MRPL42: variants seen among roughly 807,000 people sequenced by gnomAD.
The protein encoded by MRPL42 is large ribosomal subunit protein mL42.
A neutral mutation model predicts 17.9 loss-of-function variants in MRPL42; 17 were observed. That is an observed-to-expected ratio of 0.95 (90% CI 0.65 to 1.42). The LOEUF is 1.42. Among genes scored for constraint, MRPL42 ranks in the 40% most tolerant of loss-of-function variants. The probability of loss-of-function intolerance (pLI) is 0.00; values close to 1 mark genes in which losing one functional copy is unlikely to be tolerated. For synonymous variants in MRPL42, 59 were observed against 54.4 expected (o/e 1.08, Z -0.37); for missense variants, 177 against 175.2 (o/e 1.01, Z -0.06).
rs1953678033 is a variant in MRPL42 at position 93,506,987 on chromosome 12, A to G, written c.*5766A>G. On this transcript the variant is annotated 3_prime_UTR_variant, in exon 6 of 6. Transcript: ENST00000549982. ...TTTGGAAACAGATCCAAAGACACTA[A>G]TTGACTTGCCCAAGATCACAGATTG... 1.3e-5 allele frequency: 2 copies of G among 152,208 alleles called. No homozygotes were observed. Among genetic ancestry groups the G allele is most frequent in the African/African-American group, 2.4e-5 (1 of 41,456 alleles). 9.4% of individuals were successfully genotyped at this position (152,208 alleles called of 1,614,324 possible).
At chr12:93,485,872 T>C (rs1373052082) in intron 4 of MRPL42, among the ~76,000 whole-genome samples, 1 of 152,186 alleles carries the variant, frequency 6.6e-6, no homozygotes, top group Admixed American at 6.5e-5. Context: ...TACTGTGCAG[T>C]CATGGCTCAC....
intron 4 of MRPL42, among the ~76,000 whole-genome samples, chr12:93,482,846 A>G (rs905943696): frequency 6.6e-6 from 1 of 151,770 alleles, no homozygotes; most frequent in Non-Finnish European, 1.5e-5. Context: ...TTGGCTTCCC[A>G]AAGTGCCGGG....
rs962693665 is a variant in MRPL42, at chr12:93,504,686, C to G, written c.*3465C>G. 2.0e-5 allele frequency: 3 copies of G among 152,138 alleles called. No individual in the cohort carries two copies. The highest frequency in any genetic ancestry group is 7.2e-5 in the African/African-American group (3 of 41,412). The allele number at this position is 152,138 out of a possible 1,614,324, so 9.4% of individuals were successfully genotyped here. The stretch of plus-strand genomic sequence containing the variant: ...TGCAGCCCTTTACCATAATGTGTTT[C>G]TTCTACCTCCCCTGCACAACATTGT... On this transcript the variant is annotated 3_prime_UTR_variant, in exon 6 of 6. Transcript: ENST00000549982.
At chr12:93,469,055 C>T (rs971810119) in intron 1 of MRPL42, 137 bp from the exon 2 acceptor site, 62 of 467,906 alleles carry the variant, frequency 1.3e-4, no homozygotes, top group Non-Finnish European at 2.1e-4. Context: ...GTTGTTCAAT[C>T]ATGTGGAATT....
chr12:93,470,593 A>G lies in MRPL42; in HGVS notation c.70+1238A>G, dbSNP rs116350800. ...ATAGTGAACATAGTACCCAATAGGT[A>G]GTTTTTCAACTCTTCCCTCCATCCC... On this transcript the variant is annotated intron_variant, in intron 2 of 5. Transcript: ENST00000549982. 6.5e-4 allele frequency: 787 copies of G among 1,219,478 alleles called. 7 individuals are homozygous for G. The African/African-American group carries it at 0.01, about 16-fold the overall frequency. 75.5% of individuals were successfully genotyped at this position (1,219,478 alleles called of 1,614,324 possible).
intron 5 of MRPL42, among the ~76,000 whole-genome samples, chr12:93,494,382 C>T (rs748213366): frequency 6.6e-6 from 1 of 152,102 alleles, no homozygotes; most frequent in Non-Finnish European, 1.5e-5. Context: ...GACAAATGGT[C>T]AAATCTAGAT....
intron 1 of MRPL42, 152 bp from the exon 2 acceptor site, chr12:93,469,040 G>A (rs79489045): frequency 9.0e-6 from 4 of 443,920 alleles, no homozygotes; most frequent in Non-Finnish European, 1.6e-5. Flanking sequence ...GTCGCTCTTC[G>A]TCCTGTTGTT....
intron 3 of MRPL42, among the ~76,000 whole-genome samples, chr12:93,478,942 A>ATTTATTTATTTT (rs1282970400): frequency 0.014 from 1,059 of 76,574 alleles, 15 homozygotes; most frequent in African/African-American, 0.035. Flanking sequence ...TTATTTATTT[A>ATTTATTTATTTT]TTTTTTTGAG....
Position 93,514,313 on chromosome 12 carries a change from T to G in MRPL42, c.*13092T>G, listed in dbSNP as rs1343518408. ...TTTCTTTCTTTTTTTTTTTTTTTTT[T>G]TTGAGATGGCGTCTCCTCTGTCAAT... On this transcript the variant is annotated 3_prime_UTR_variant, in exon 6 of 6. Coordinates refer to ENST00000549982, the MANE Select transcript of MRPL42 (RefSeq NM_014050.4). The G allele has an allele frequency of 1.5e-5, 2 of 131,588 alleles. No homozygotes were observed. Among genetic ancestry groups the G allele is most frequent in the East Asian group, 4.2e-4 (2 of 4,808 alleles). 8.2% of individuals were successfully genotyped at this position (131,588 alleles called of 1,614,324 possible).
chr12:93,489,185 G>A (rs1486245247), intron 5 of MRPL42, among the ~76,000 whole-genome samples: 2 of 152,168 alleles, frequency 1.3e-5, no homozygotes, highest in Non-Finnish European at 2.9e-5. Context: ...GTAAATAAAC[G>A]GTTAAATCAA....
At chr12:93,471,299 G>T (rs992166311) in intron 2 of MRPL42, among the ~76,000 whole-genome samples, 1 of 152,072 alleles carries the variant, frequency 6.6e-6, no homozygotes, top group Non-Finnish European at 1.5e-5. Context: ...GAGTAGCTGG[G>T]ATTATAGGCA....
chr12:93,480,139 T>C (rs1288166028), intron 4 of MRPL42, among the ~76,000 whole-genome samples: 2 of 152,182 alleles, frequency 1.3e-5, no homozygotes, highest in African/African-American at 2.4e-5. Flanking sequence ...GCTTTTTTTT[T>C]GAGACAGGGT....
In MRPL42 at chr12:93,514,423, C is replaced by T. The variant is rs999196156; in HGVS notation, c.*13202C>T. ...GAGTAGCTGGGATTACAGGCACCCA[C>T]CACCACACCTGGCTAATTTTTTTTT... On this transcript the variant is annotated 3_prime_UTR_variant, in exon 6 of 6. Coordinates refer to ENST00000549982, the MANE Select transcript of MRPL42 (RefSeq NM_014050.4). 5.3e-5 allele frequency: 8 copies of T among 151,324 alleles called. No homozygotes were observed. The highest frequency in any genetic ancestry group is 1.5e-4 in the African/African-American group (6 of 41,006). 9.4% of individuals were successfully genotyped at this position (151,324 alleles called of 1,614,324 possible).
In MRPL42 at chr12:93,501,974, G is replaced by A. The variant is rs571252604; in HGVS notation, c.*753G>A. ...CTCAAAATAATCCTTTGAAAAGGGA[G>A]TATAATTACATTTTACAGTGACTCG... On this transcript the variant is annotated 3_prime_UTR_variant, in exon 6 of 6. Transcript: ENST00000549982. 4 of 136,510 alleles carry A rather than the reference G, an allele frequency of 2.9e-5. No homozygotes were observed. The highest frequency in any genetic ancestry group is 3.3e-5 in the Non-Finnish European group (2 of 59,748). 8.5% of individuals were successfully genotyped at this position (136,510 alleles called of 1,614,324 possible).
chr12:93,473,190 T>G (rs568884223), intron 2 of MRPL42, among the ~76,000 whole-genome samples: 2 of 152,360 alleles, frequency 1.3e-5, no homozygotes, highest in East Asian at 3.9e-4. Flanking sequence ...TGGTCCTAAT[T>G]ATATATTTAG....
intron 2 of MRPL42, chr12:93,470,708 A>T: frequency 2.8e-6 from 1 of 353,908 alleles, no homozygotes; most frequent in South Asian, 5.5e-5. Flanking sequence ...AAGTTAGAAC[A>T]TGTAGTATTT....
chr12:93,476,320 G>A (rs1268969990), intron 2 of MRPL42, among the ~76,000 whole-genome samples: 2 of 151,950 alleles, frequency 1.3e-5, no homozygotes, highest in Non-Finnish European at 2.9e-5. Context: ...CCGAGTAGCT[G>A]ACCACGCCTG....
intron 5 of MRPL42, 97 bp downstream of exon 5, chr12:93,487,757 T>A: frequency 8.7e-7 from 1 of 1,148,928 alleles, no homozygotes; most frequent in Non-Finnish European, 1.2e-6. Flanking sequence ...GTGTTTTGCA[T>A]GAGGAAATTA....
At chr12:93,470,514 C>T (rs762834759) in intron 2 of MRPL42, 19 of 1,291,390 alleles carry the variant, frequency 1.5e-5, no homozygotes, top group Middle Eastern at 2.1e-4. Context: ...AGGTTTGTTA[C>T]GTGGATGTAT....
Sources: gnomAD v4.1 joint callset for allele counts (sites outside exome capture counted in the v4.1 genomes callset) on GRCh38, gnomAD v4.1.1 for gene constraint, MANE v1.5 for transcripts, NCBI Gene and HGNC (gene_info 2026-07-23, HGNC 2026-07-21) for gene names.